Variants in RGS5 observed in about 807,000 individuals in gnomAD.
RGS5 encodes regulator of G-protein signalling 5.
RGS5 carries 20 observed loss-of-function variants against 18.9 expected under a neutral mutation model. The observed-to-expected ratio is 1.06, with a 90% CI of 0.74 to 1.54. The LOEUF (loss-of-function observed/expected upper bound fraction) is 1.54, where lower values mean the gene tolerates loss of function less well. RGS5 is among the 40% of genes most tolerant of loss of function. The probability of loss-of-function intolerance (pLI) is 0.00; values close to 1 mark genes in which losing one functional copy is unlikely to be tolerated. For synonymous variants in RGS5, 57 were observed against 76.2 expected (o/e 0.75, Z 1.31); for missense variants, 201 against 211.8 (o/e 0.95, Z 0.32).
At position 163,143,936 on chromosome 1, in the gene RGS5, A is replaced by T. The variant is rs1657022955; in HGVS notation, c.*3406T>A. 6.6e-6 allele frequency: 1 copy of T among 152,122 alleles called. No homozygotes were observed. Among genetic ancestry groups the T allele is most frequent in the Admixed American group, 6.6e-5 (1 of 15,246 alleles). The allele number at this position is 152,122 out of a possible 1,614,324, so 9.4% of individuals were successfully genotyped here. Reference sequence around the variant, plus strand: ...ATAATTAACAGCTCCATCCTATTGAAATGGCTTGTGTACAGAGCACACATC... The same window carrying T: ...ATAATTAACAGCTCCATCCTATTGATATGGCTTGTGTACAGAGCACACATC... On this transcript the variant is annotated 3_prime_UTR_variant, in exon 5 of 5. Transcript: ENST00000313961.
intron 1 of RGS5, among the ~76,000 whole-genome samples, chr1:163,196,620 C>G (rs1417844213): frequency 6.6e-6 from 1 of 152,152 alleles, no homozygotes; most frequent in Non-Finnish European, 1.5e-5. Flanking sequence ...GCATGAGGAA[C>G]AGCCCAGGCA....
At chr1:163,155,970 T>C (rs1657564176) in intron 3 of RGS5, among the ~76,000 whole-genome samples, 1 of 152,130 alleles carries the variant, frequency 6.6e-6, no homozygotes, top group Non-Finnish European at 1.5e-5. Context: ...CCATGTAAAC[T>C]AGCAGCCAGC....
At chr1:163,301,212 C>A (rs777159149) in intron 2 of RGS5, among the ~76,000 whole-genome samples, 3 of 152,084 alleles carry the variant, frequency 2.0e-5, no homozygotes, top group African/African-American at 7.2e-5. Context: ...TAGGTGCTAT[C>A]TCAGAGAACA....
chr1:163,196,699 A>C (rs186266620), intron 1 of RGS5, among the ~76,000 whole-genome samples: 92 of 152,270 alleles, frequency 6.0e-4, no homozygotes, highest in Admixed American at 5.9e-3. Context: ...CCTCTTTAAC[A>C]AGGCTTTCCT....
chr1:163,292,567 GC>G (rs1649315095), intron 2 of RGS5, among the ~76,000 whole-genome samples: 1 of 152,150 alleles, frequency 6.6e-6, no homozygotes, highest in Non-Finnish European at 1.5e-5. Context: ...TGGTATTTAT[GC>G]CTCTAGGTCT....
At chr1:163,296,907 T>C (rs1425844784) in intron 2 of RGS5, among the ~76,000 whole-genome samples, 1 of 152,126 alleles carries the variant, frequency 6.6e-6, no homozygotes, top group Non-Finnish European at 1.5e-5. Flanking sequence ...GTTACTTTTT[T>C]AGAGAGAGAA....
At chr1:163,244,002 T>C (rs940287431) in intron 2 of RGS5, among the ~76,000 whole-genome samples, 1 of 152,228 alleles carries the variant, frequency 6.6e-6, no homozygotes, top group Non-Finnish European at 1.5e-5. Flanking sequence ...TTTTAAGTTT[T>C]GTTAAACATT....
intron 2 of RGS5, among the ~76,000 whole-genome samples, chr1:163,166,877 C>T (rs779485714): frequency 2.0e-5 from 3 of 152,134 alleles, no homozygotes; most frequent in African/African-American, 4.8e-5. Flanking sequence ...TTAATACCAA[C>T]GGATCAATAA....
At chr1:163,225,728 T>C (rs1255967982) in intron 2 of RGS5, among the ~76,000 whole-genome samples, 1 of 152,132 alleles carries the variant, frequency 6.6e-6, no homozygotes, top group African/African-American at 2.4e-5. Flanking sequence ...TCACAAATAA[T>C]AATTTGACTA....
rs1163694051 is a variant in RGS5, at chr1:163,145,404, T to C, written c.*1938A>G. The C allele has an allele frequency of 6.6e-6, 1 of 152,186 alleles. No individual in the cohort carries two copies. The highest frequency in any genetic ancestry group is 2.4e-5 in the African/African-American group (1 of 41,458). 9.4% of individuals were successfully genotyped at this position (152,186 alleles called of 1,614,324 possible). A position where few individuals can be genotyped will look rare whatever the true frequency, so the allele number is the denominator to read the frequency against. ...GTATGAGAGAGTAAAGGGTTGGCAC[T>C]TTATTAACTTGGGGGCAATGTAGAC... On this transcript the variant is annotated 3_prime_UTR_variant, in exon 5 of 5. Coordinates refer to ENST00000313961, the MANE Select transcript of RGS5 (RefSeq NM_003617.4).
At chr1:163,168,083 A>T (rs1053072667) in intron 2 of RGS5, among the ~76,000 whole-genome samples, 175 bp downstream of exon 2, 6 of 152,094 alleles carry the variant, frequency 3.9e-5, no homozygotes, top group African/African-American at 4.8e-5. Context: ...TGCTCCAGAC[A>T]TGAGATAGTT....
chr1:163,215,133 A>G (rs1175247454), intron 1 of RGS5, among the ~76,000 whole-genome samples: 1 of 151,878 alleles, frequency 6.6e-6, no homozygotes, highest in African/African-American at 2.4e-5. Flanking sequence ...TTTTTGCCTC[A>G]ACCTTAGATT....
chr1:163,307,490 A>G (rs1649735874), intron 1 of RGS5, among the ~76,000 whole-genome samples: 3 of 152,132 alleles, frequency 2.0e-5, no homozygotes, highest in African/African-American at 7.2e-5. Context: ...TACCCAAAAG[A>G]TTTCTAGTCC....
intron 2 of RGS5, among the ~76,000 whole-genome samples, chr1:163,235,912 T>A (rs1432165672): frequency 6.6e-6 from 1 of 152,184 alleles, no homozygotes; most frequent in East Asian, 1.9e-4. Flanking sequence ...CCTTTAAAAT[T>A]CTCAGGAGCT....
At chr1:163,162,814 T>C (rs905424685) in intron 2 of RGS5, 1 of 152,060 alleles carries the variant, frequency 6.6e-6, no homozygotes, top group Non-Finnish European at 1.5e-5. Flanking sequence ...GCTGATATTG[T>C]CCGGGAAAAA....
At chr1:163,233,677 G>C (rs1411076023) in intron 2 of RGS5, among the ~76,000 whole-genome samples, 1 of 152,178 alleles carries the variant, frequency 6.6e-6, no homozygotes, top group Non-Finnish European at 1.5e-5. Flanking sequence ...ATAGGTGGTG[G>C]AGTTAGGAGC....
Position 163,152,549 on chromosome 1 carries a change from C to T in RGS5, c.384+1G>A. On this transcript the variant is annotated splice_donor_variant, in intron 4 of 4. Transcript: ENST00000313961. LOFTEE classifies it high-confidence loss of function. ...ACTGACCCACCTACCCAGAGACCAA[C>T]CTCTTTAGGAGCCTCCGTTTGAATG... 3 of 1,608,672 alleles carry T rather than the reference C, an allele frequency of 1.9e-6. No homozygotes were observed. The highest frequency in any genetic ancestry group is 8.5e-7 in the Non-Finnish European group (1 of 1,177,726).
At chr1:163,226,403 G>A (rs535778501) in intron 2 of RGS5, among the ~76,000 whole-genome samples, 90 of 152,252 alleles carry the variant, frequency 5.9e-4, no homozygotes, top group Non-Finnish European at 9.6e-4. Context: ...GGATCCAGTT[G>A]GAGTTAAACT....
upstream of RGS5, chr1:163,206,665 G>A (rs1659962777): frequency 6.6e-6 from 1 of 152,084 alleles, no homozygotes; most frequent in Non-Finnish European, 1.5e-5. Context: ...GAGGGAGGGG[G>A]TTCATTTTCT....
Sources: gnomAD v4.1 joint callset for allele counts (sites outside exome capture counted in the v4.1 genomes callset) on GRCh38, gnomAD v4.1.1 for gene constraint, MANE v1.5 for transcripts, NCBI Gene and HGNC (gene_info 2026-07-23, HGNC 2026-07-21) for gene names.